The following ST18 variants were observed in gnomAD, a reference collection of about 807,000 sequenced individuals.
ST18 encodes ST18 C2H2C-type zinc finger transcription factor, also known as suppression of tumorigenicity 18 protein.
ST18 carries 50 observed loss-of-function variants against 110.0 expected under a neutral mutation model. That is an observed-to-expected ratio of 0.45 (90% confidence interval 0.36 to 0.58). The LOEUF is 0.58. Among genes scored for constraint, ST18 ranks in the 20% least tolerant of loss-of-function variants. ST18 has a pLI of 0.00. For missense variants in ST18, 1,306 were observed against 1,280.1 expected (o/e 1.02, Z -0.31); for synonymous variants, 461 against 452.4 (o/e 1.02, Z -0.24).
chr8:52,121,026 A>G (rs2044554109), intron 23 of ST18, among the ~76,000 whole-genome samples: 1 of 152,144 alleles, frequency 6.6e-6, no homozygotes, highest in Non-Finnish European at 1.5e-5. Flanking sequence ...GATGAGGCAG[A>G]CTGGGAGGCT....
At chr8:52,144,601 A>G (rs939054845) in intron 16 of ST18, among the ~76,000 whole-genome samples, 2 of 152,194 alleles carry the variant, frequency 1.3e-5, no homozygotes, top group African/African-American at 4.8e-5. Flanking sequence ...TTCAGATTAC[A>G]TTAATGAAAC....
At chr8:52,191,854 T>C (rs1037197760) in intron 8 of ST18, among the ~76,000 whole-genome samples, 31 of 152,180 alleles carry the variant, frequency 2.0e-4, no homozygotes, top group African/African-American at 7.0e-4. Flanking sequence ...AGGAGATGAA[T>C]GGTTTAACTG....
chr8:52,147,844 G>A (rs898465267), intron 16 of ST18, among the ~76,000 whole-genome samples: 2 of 152,170 alleles, frequency 1.3e-5, no homozygotes, highest in African/African-American at 4.8e-5. Flanking sequence ...GCAGTCATGT[G>A]AATTGAAGCG....
At chr8:52,357,727 AT>A (rs1564568961) in intron 2 of ST18, among the ~76,000 whole-genome samples, 23 of 114,830 alleles carry the variant, frequency 2.0e-4, no homozygotes, top group East Asian at 7.7e-4. Context: ...ATATATATAT[AT>A]ATAAAACAGA....
intron 2 of ST18, among the ~76,000 whole-genome samples, chr8:52,304,612 A>G (rs900132748): frequency 1.3e-5 from 2 of 152,216 alleles, no homozygotes; most frequent in African/African-American, 4.8e-5. Flanking sequence ...AATGATTTCC[A>G]TATTGTTGGA....
chr8:52,148,457 G>A lies in ST18; in HGVS notation c.2052+1275C>T, dbSNP rs117013846. ...CACACCCAGCCACCTGATGCAGTTA[G>A]CCATTCCTCCCTCTCCACATTGTGT... On this transcript the variant is annotated intron_variant, in intron 16 of 25. Transcript: ENST00000689386. Among the ~76,000 whole-genome samples, 438 of 152,270 alleles carry A rather than the reference G, an allele frequency of 2.9e-3. 1 individual carries two copies. The highest frequency in any genetic ancestry group is 5.0e-3 in the Non-Finnish European group (338 of 68,026).
chr8:52,129,779 C>T (rs1006302308), intron 22 of ST18, among the ~76,000 whole-genome samples: 136 of 152,038 alleles, frequency 8.9e-4, no homozygotes, highest in African/African-American at 3.0e-3. Context: ...GTGTGGTGGC[C>T]CATGCCTGTA....
intron 2 of ST18, among the ~76,000 whole-genome samples, chr8:52,258,467 G>A (rs923141414): frequency 2.0e-5 from 3 of 151,990 alleles, no homozygotes; most frequent in Non-Finnish European, 2.9e-5. Flanking sequence ...ATTTTTTATG[G>A]TGTTCAGAGT....
At chr8:52,139,458 C>A (rs904312182) in intron 17 of ST18, among the ~76,000 whole-genome samples, 3 of 152,012 alleles carry the variant, frequency 2.0e-5, no homozygotes, top group African/African-American at 7.2e-5. Context: ...TGGGCTCAAG[C>A]GATTCTCCTG....
At chr8:52,149,159 A>G (rs2058154673) in intron 16 of ST18, among the ~76,000 whole-genome samples, 1 of 152,248 alleles carries the variant, frequency 6.6e-6, no homozygotes, top group South Asian at 2.1e-4. Flanking sequence ...TCTGGCTTTC[A>G]GGGCCAAAAC....
At chr8:52,355,121 A>G (rs1326222835) in intron 2 of ST18, among the ~76,000 whole-genome samples, 2 of 152,126 alleles carry the variant, frequency 1.3e-5, no homozygotes, top group Non-Finnish European at 2.9e-5. Flanking sequence ...TCCTGCAGAC[A>G]CAAGTGTGAA....
intron 10 of ST18, among the ~76,000 whole-genome samples, chr8:52,170,447 A>AAAAT (rs369581987): frequency 0.032 from 4,440 of 140,014 alleles, 87 homozygotes; most frequent in Middle Eastern, 0.05. Context: ...GCAAAACTCA[A>AAAAT]AAATCAATAA....
intron 2 of ST18, among the ~76,000 whole-genome samples, chr8:52,257,550 T>C (rs1401109847): frequency 6.6e-6 from 1 of 152,234 alleles, no homozygotes; most frequent in Non-Finnish European, 1.5e-5. Flanking sequence ...CTAGCATTTT[T>C]TTCATGTGCT....
At chr8:52,352,396 C>T (rs1215365993) in intron 2 of ST18, among the ~76,000 whole-genome samples, 1 of 152,146 alleles carries the variant, frequency 6.6e-6, no homozygotes, top group Non-Finnish European at 1.5e-5. Context: ...AACTGGGTGC[C>T]TTTTTTGAAA....
At chr8:52,156,219 C>T (rs1292865276) in intron 15 of ST18, among the ~76,000 whole-genome samples, 2 of 152,200 alleles carry the variant, frequency 1.3e-5, no homozygotes, top group Non-Finnish European at 2.9e-5. Flanking sequence ...ATGACTGACC[C>T]TAACCTGTGG....
intron 2 of ST18, among the ~76,000 whole-genome samples, chr8:52,340,293 C>G (rs1324470450): frequency 6.6e-6 from 1 of 152,274 alleles, no homozygotes; most frequent in Non-Finnish European, 1.5e-5. Flanking sequence ...CAATACCAGA[C>G]CAACAATTCT....
At chr8:52,185,362 G>C (rs995910755) in intron 8 of ST18, among the ~76,000 whole-genome samples, 2 of 152,090 alleles carry the variant, frequency 1.3e-5, no homozygotes, top group African/African-American at 4.8e-5. Context: ...TTATCTATTA[G>C]ATTCAATGCA....
chr8:52,173,103 T>C (rs2065591249), intron 9 of ST18, among the ~76,000 whole-genome samples: 2 of 152,218 alleles, frequency 1.3e-5, no homozygotes, highest in South Asian at 4.1e-4. Context: ...GAATGTTAGC[T>C]TTCCATACTT....
chr8:52,280,983 AT>A (rs2095365598), intron 2 of ST18, among the ~76,000 whole-genome samples: 1 of 152,156 alleles, frequency 6.6e-6, no homozygotes, highest in Non-Finnish European at 1.5e-5. Flanking sequence ...CACAGAGACC[AT>A]GTTAGGTAAG....
Sources: allele counts gnomAD v4.1 joint callset (sites outside exome capture counted in the v4.1 genomes callset), GRCh38; gene constraint gnomAD v4.1.1; transcripts MANE v1.5; gene names NCBI Gene and HGNC (gene_info 2026-07-23, HGNC 2026-07-21).